Variants in CCT4 observed in about 807,000 individuals in gnomAD.
The protein encoded by CCT4 is T-complex protein 1 subunit delta.
Under a neutral mutation model 62.5 loss-of-function variants are expected in CCT4, and 17 were observed. That is an observed-to-expected ratio of 0.27 (90% CI 0.19 to 0.41). CCT4 has a LOEUF of 0.41. Among genes scored for constraint, CCT4 ranks in the 10% least tolerant of loss-of-function variants. The probability of loss-of-function intolerance (pLI) is 1.00; values close to 1 mark genes in which losing one functional copy is unlikely to be tolerated. For missense variants in CCT4, 592 were observed against 659.2 expected, an observed-to-expected ratio of 0.90 and a Z score of 1.12; for synonymous variants, 250 against 229.9, an observed-to-expected ratio of 1.09 and a Z score of -0.79.
At chr2:61,871,916 T>C (rs1312876229) in intron 12 of CCT4, among the ~76,000 whole-genome samples, 166 bp downstream of exon 12, 1 of 152,208 alleles carries the variant, frequency 6.6e-6, no homozygotes, top group African/African-American at 2.4e-5. Flanking sequence ...GGTGTCACCA[T>C]CTTCCTTCTC....
At chr2:61,880,223 G>T in intron 4 of CCT4, 63 bp downstream of exon 4, 2 of 715,690 alleles carry the variant, frequency 2.8e-6, no homozygotes, top group Non-Finnish European at 4.3e-6. Flanking sequence ...GAATAACTTG[G>T]CTTTTCCTAA....
At chr2:61,876,801 AG>A (rs1478338417) in intron 7 of CCT4, 118 bp downstream of exon 7, 1 of 807,110 alleles carries the variant, frequency 1.2e-6, no homozygotes, top group Non-Finnish European at 1.9e-6. Context: ...TCTCAATTCT[AG>A]TAAGTCTTTT....
chr2:61,871,645 T>C (rs966129283), intron 12 of CCT4, among the ~76,000 whole-genome samples: 1 of 152,270 alleles, frequency 6.6e-6, no homozygotes, highest in African/African-American at 2.4e-5. Context: ...AGTGATATTA[T>C]TACCATATGA....
intron 8 of CCT4, 98 bp from the exon 9 acceptor site, chr2:61,873,391 A>G (rs1320893788): frequency 2.7e-5 from 17 of 620,004 alleles, no homozygotes; most frequent in Non-Finnish European, 4.6e-5. Context: ...TAAATGGCCA[A>G]TCATTATTTC....
chr2:61,888,633 C>T lies in CCT4; in HGVS notation c.-126G>A. 2 of 1,169,694 alleles carry T rather than the reference C, an allele frequency of 1.7e-6. No individual in the cohort carries two copies. Among genetic ancestry groups the T allele is most frequent in the Admixed American group, 2.9e-5 (1 of 34,102 alleles). The allele number at this position is 1,169,694 out of a possible 1,614,324, so 72.5% of individuals were successfully genotyped here. A position where few individuals can be genotyped will look rare whatever the true frequency, so the allele number is the denominator to read the frequency against. On this transcript the variant is annotated 5_prime_UTR_variant, in exon 1 of 14. Transcript: ENST00000394440. ...ACCTTCCAGAAAGCGGCGCCGGCGT[C>T]GGGAGGAGGCGGAGGCGGAGAAGGG...
chr2:61,884,885 C>G (rs1669213803), intron 2 of CCT4, 135 bp downstream of exon 2: 2 of 695,488 alleles, frequency 2.9e-6, no homozygotes, highest in African/African-American at 1.9e-5. Flanking sequence ...CTCACCCTCC[C>G]AAAGTGCTGG....
intron 2 of CCT4, 103 bp downstream of exon 2, chr2:61,884,917 C>A: frequency 1.0e-6 from 1 of 1,000,616 alleles, no homozygotes; most frequent in South Asian, 1.5e-5. Flanking sequence ...TGAGCCACCA[C>A]GCCCAGCCCC....
chr2:61,869,459 A>C lies in CCT4; in HGVS notation c.1586T>G (p.Ile529Ser), dbSNP rs1264568203. Residue 529 changes from isoleucine (I) to serine (S), a missense_variant, in exon 13 of 14, where the codon ATT becomes AGT. Around this residue, in one of 3 missense-constraint regions of CCT4, gnomAD observed 522 missense variants for 571.2 expected, o/e 0.91. Transcript: ENST00000394440. ...ACTTACCACATCATCTATTTTCAGA[A>C]TGCTCCGAACAGTTTCAGTTGCAAG... Reference protein sequence around the residue: ...LTLATETVRSILKIDDVVNTR With the variant: ...LTLATETVRSSLKIDDVVNTR 6.2e-7 allele frequency: 1 copy of C among 1,605,398 alleles called. No individual in the cohort carries two copies.
chr2:61,869,819 G>A (rs1572913171), intron 12 of CCT4, among the ~76,000 whole-genome samples: 1 of 151,722 alleles, frequency 6.6e-6, no homozygotes, highest in East Asian at 2.0e-4. Context: ...ATTTTTAGTA[G>A]AGACAGGGTT....
rs953232194 is a variant in CCT4, at chr2:61,871,301, C to T, written c.1491+781G>A. Among the ~76,000 whole-genome samples, 3 of 151,994 alleles carry T rather than the reference C, an allele frequency of 2.0e-5. No homozygotes were observed. The South Asian group carries it at 6.2e-4, about 32-fold the overall frequency. On this transcript the variant is annotated intron_variant, in intron 12 of 13. Coordinates refer to ENST00000394440, the MANE Select transcript of CCT4 (RefSeq NM_006430.4). Reference sequence around the variant, plus strand: ...GATCTGCCCACCTCGGCCTCCCAAACAGCTGGGATTACAGGCGTGAGCCAC... The same window carrying T: ...GATCTGCCCACCTCGGCCTCCCAAATAGCTGGGATTACAGGCGTGAGCCAC...
rs547653599 is a variant in CCT4 at position 61,888,532 on chromosome 2, G to A, written c.-25C>T. The stretch of plus-strand genomic sequence containing the variant: ...TGGCAAACTCCGCTGTGTCTGGGTT[G>A]GCTCGGGAAGGACGGATGGACCCGG... On this transcript the variant is annotated 5_prime_UTR_variant, in exon 1 of 14. Transcript: ENST00000394440. 2.0e-4 allele frequency: 316 copies of A among 1,604,768 alleles called. No homozygotes were observed. The highest frequency in any genetic ancestry group is 2.5e-4 in the Non-Finnish European group (299 of 1,175,574).
chr2:61,870,121 C>T (rs2105123856), intron 12 of CCT4, among the ~76,000 whole-genome samples: 1 of 151,372 alleles, frequency 6.6e-6, no homozygotes, highest in South Asian at 2.1e-4. Flanking sequence ...ACTAAAAATA[C>T]AATAAATTAG....
chr2:61,882,400 T>A (rs1669138022), intron 3 of CCT4, among the ~76,000 whole-genome samples: 1 of 152,154 alleles, frequency 6.6e-6, no homozygotes, highest in African/African-American at 2.4e-5. Flanking sequence ...TTTTAGACAA[T>A]GAATTTTCTT....
intron 3 of CCT4, among the ~76,000 whole-genome samples, chr2:61,882,076 G>A (rs1669129741): frequency 6.6e-6 from 1 of 151,952 alleles, no homozygotes; most frequent in African/African-American, 2.4e-5. Context: ...GAAATTAAAG[G>A]CATGCACCAC....
At chr2:61,888,080 G>A (rs1669300605) in intron 1 of CCT4, 1 of 324,968 alleles carries the variant, frequency 3.1e-6, no homozygotes, top group Non-Finnish European at 5.6e-6. Context: ...AGTGAAGACT[G>A]CATGCAATCC....
Position 61,877,406 on chromosome 2 carries a change from C to CT in CCT4, c.630dup (p.Val211SerfsTer2). On this transcript the variant is annotated frameshift_variant, in exon 6 of 14. Coordinates refer to ENST00000394440, the MANE Select transcript of CCT4 (RefSeq NM_006430.4). LOFTEE classifies it high-confidence loss of function. Reference sequence around the variant, plus strand: ...AGAGATGCTTACCCAAGCTTCTTAACTATTTTAATATCTCTAAGATCTACA... The same window carrying CT: ...AGAGATGCTTACCCAAGCTTCTTAACTTATTTTAATATCTCTAAGATCTACA... The CT allele has an allele frequency of 7.0e-7, 1 of 1,420,820 alleles. No individual in the cohort carries two copies. Among genetic ancestry groups the CT allele is most frequent in the Non-Finnish European group, 9.3e-7 (1 of 1,077,860 alleles). The allele number at this position is 1,420,820 out of a possible 1,614,324, so 88.0% of individuals were successfully genotyped here. A position where few individuals can be genotyped will look rare whatever the true frequency, so the allele number is the denominator to read the frequency against.
At chr2:61,881,666 A>G (rs1045639426) in intron 3 of CCT4, among the ~76,000 whole-genome samples, 15 of 152,126 alleles carry the variant, frequency 9.9e-5, no homozygotes, top group Non-Finnish European at 1.6e-4. Flanking sequence ...CTATTTTTTA[A>G]GTAAGCTCAC....
At chr2:61,885,259 TC>T (rs1294776987) in intron 1 of CCT4, among the ~76,000 whole-genome samples, 187 bp from the exon 2 acceptor site, 1 of 151,998 alleles carries the variant, frequency 6.6e-6, no homozygotes, top group Non-Finnish European at 1.5e-5. Context: ...TTTTTTCCCC[TC>T]AAATGATCAT....
Position 61,880,282 on chromosome 2 carries a change from C to A in CCT4, c.379+4G>T. ...TATTCAGTAATAAAGTACATCCTAC[C>A]CACCTTTCTGAAGAAGCTTGGTACA... On this transcript the variant is annotated splice_donor_region_variant and intron_variant, in intron 4 of 13. Coordinates refer to ENST00000394440, the MANE Select transcript of CCT4 (RefSeq NM_006430.4). 1.3e-6 allele frequency: 2 copies of A among 1,496,210 alleles called. No homozygotes were observed. The highest frequency in any genetic ancestry group is 1.8e-6 in the Non-Finnish European group (2 of 1,098,096). 92.7% of individuals were successfully genotyped at this position (1,496,210 alleles called of 1,614,324 possible). A position where few individuals can be genotyped will look rare whatever the true frequency, so the allele number is the denominator to read the frequency against.
Sources: gnomAD v4.1 joint callset for allele counts (sites outside exome capture counted in the v4.1 genomes callset) on GRCh38, gnomAD v4.1.1 for gene constraint, gnomAD v4.1.1 regional missense constraint, MANE v1.5 for transcripts, NCBI Gene and HGNC (gene_info 2026-07-23, HGNC 2026-07-21) for gene names.